CNTN5: variants seen among roughly 807,000 people sequenced by gnomAD.
The protein encoded by CNTN5 is contactin-5.
A neutral mutation model predicts 129.1 loss-of-function variants in CNTN5; 77 were observed. The ratio of observed to expected loss-of-function variants is 0.60; its 90% CI spans 0.50 to 0.72. The LOEUF (loss-of-function observed/expected upper bound fraction) is 0.72. Among genes scored for constraint, CNTN5 ranks in the 30% least tolerant of loss-of-function variants. The pLI, the probability that CNTN5 is intolerant of heterozygous loss-of-function variation, is 0.00. For synonymous variants in CNTN5, 509 were observed against 465.6 expected (o/e 1.09, Z -1.20); for missense variants, 1,478 against 1,328.8 (o/e 1.11, Z -1.75).
intron 9 of CNTN5, among the ~76,000 whole-genome samples, chr11:100,034,091 C>T (rs1377815120): frequency 1.3e-5 from 2 of 152,206 alleles, no homozygotes; most frequent in African/African-American, 2.4e-5. Flanking sequence ...CTCCTCTCTA[C>T]TGGCTCTTTC....
At position 99,978,267 on chromosome 11, in the gene CNTN5, A is replaced by G. The variant is rs914909572; in HGVS notation, c.877+21258A>G. Among the ~76,000 whole-genome samples, 36 of 152,388 alleles carry G rather than the reference A, an allele frequency of 2.4e-4. 1 individual carries two copies. Among genetic ancestry groups the G allele is most frequent in the South Asian group, 1.7e-3 (8 of 4,832 alleles). On this transcript the variant is annotated intron_variant, in intron 8 of 24. Coordinates refer to ENST00000524871, the MANE Select transcript of CNTN5 (RefSeq NM_014361.4). ...AAGCTGTGTCATAATGAAAGAGTCA[A>G]AAAGTTAAAAATAAGTTTATAAAGT...
At chr11:99,465,980 C>T (rs185601256) in intron 2 of CNTN5, among the ~76,000 whole-genome samples, 1,833 of 146,972 alleles carry the variant, frequency 0.012, 38 homozygotes, top group African/African-American at 0.043. Context: ...CTCCTGGGTT[C>T]ACGCCATTCT....
At chr11:99,914,057 G>A (rs997468471) in intron 6 of CNTN5, among the ~76,000 whole-genome samples, 15 of 152,040 alleles carry the variant, frequency 9.9e-5, no homozygotes, top group African/African-American at 2.9e-4. Context: ...GCAACATAGC[G>A]AGACTCTGTC....
chr11:99,682,706 GA>G (rs1341284985), intron 3 of CNTN5, among the ~76,000 whole-genome samples: 2 of 151,848 alleles, frequency 1.3e-5, no homozygotes, highest in East Asian at 3.9e-4. Context: ...TTGTATGCCA[GA>G]CCCATCTAAA....
chr11:99,961,829 A>G (rs958617274), intron 8 of CNTN5, among the ~76,000 whole-genome samples: 7 of 152,140 alleles, frequency 4.6e-5, no homozygotes, highest in Non-Finnish European at 5.9e-5. Flanking sequence ...CCCTGTCCTC[A>G]CACCAAAGCA....
intron 13 of CNTN5, among the ~76,000 whole-genome samples, chr11:100,148,676 G>GGACCAATGGAAAGTAT (rs1439990214): frequency 6.6e-6 from 1 of 150,990 alleles, no homozygotes; most frequent in African/African-American, 2.4e-5. Flanking sequence ...ACAAATAACA[G>GGACCAATGGAAAGTAT]GACCAATGGA....
At chr11:100,058,757 A>G (rs1565837283) in intron 9 of CNTN5, among the ~76,000 whole-genome samples, 1 of 152,026 alleles carries the variant, frequency 6.6e-6, no homozygotes. Flanking sequence ...TTAGGAAAAA[A>G]TAATAGGAAA....
intron 3 of CNTN5, among the ~76,000 whole-genome samples, chr11:99,570,188 G>C (rs1835448502): frequency 6.6e-6 from 1 of 151,068 alleles, no homozygotes; most frequent in Admixed American, 6.6e-5. Context: ...CTCTTTACTT[G>C]TTTCTCTATG....
intron 24 of CNTN5, among the ~76,000 whole-genome samples, chr11:100,355,834 C>A (rs1337697098): frequency 6.6e-6 from 1 of 151,572 alleles, no homozygotes; most frequent in East Asian, 1.9e-4. Context: ...TTTTTTATAT[C>A]TGAATTTGGA....
At chr11:100,084,367 A>C (rs1393882123) in intron 13 of CNTN5, among the ~76,000 whole-genome samples, 2 of 152,130 alleles carry the variant, frequency 1.3e-5, no homozygotes, top group Non-Finnish European at 2.9e-5. Context: ...TGAATATAAA[A>C]TGGTGAGGAG....
intron 8 of CNTN5, among the ~76,000 whole-genome samples, chr11:99,985,565 A>G (rs1050544639): frequency 6.6e-6 from 1 of 152,174 alleles, no homozygotes; most frequent in Admixed American, 6.5e-5. Context: ...CAATTGGGAA[A>G]GAGAGGGCAG....
chr11:99,801,254 A>T (rs953289098), intron 3 of CNTN5, among the ~76,000 whole-genome samples: 1 of 152,208 alleles, frequency 6.6e-6, no homozygotes. Flanking sequence ...TGCTGAAAAT[A>T]GGCCTCCAGT....
intron 1 of CNTN5, among the ~76,000 whole-genome samples, chr11:99,189,609 AT>A (rs1565389338): frequency 6.6e-6 from 1 of 151,542 alleles, no homozygotes; most frequent in Non-Finnish European, 1.5e-5. Context: ...GGTGGTGTTG[AT>A]TTACATTTCA....
intron 8 of CNTN5, among the ~76,000 whole-genome samples, chr11:99,996,683 A>C (rs1057421170): frequency 6.6e-6 from 1 of 152,166 alleles, no homozygotes; most frequent in Non-Finnish European, 1.5e-5. Context: ...GGTAACTTAT[A>C]AAGAAAACAG....
chr11:100,098,245 A>G (rs1262080275), intron 13 of CNTN5, among the ~76,000 whole-genome samples: 2 of 152,122 alleles, frequency 1.3e-5, no homozygotes, highest in African/African-American at 4.8e-5. Context: ...CAAATACATC[A>G]GACTGTAAAG....
intron 3 of CNTN5, among the ~76,000 whole-genome samples, chr11:99,669,679 C>T (rs1952955826): frequency 6.6e-6 from 1 of 152,012 alleles, no homozygotes. Context: ...CGAATCCTAC[C>T]ACACTTTTAT....
At chr11:100,172,830 T>TAAG (rs1479763604) in intron 13 of CNTN5, among the ~76,000 whole-genome samples, 1 of 152,070 alleles carries the variant, frequency 6.6e-6, no homozygotes, top group African/African-American at 2.4e-5. Flanking sequence ...TATGTCATGC[T>TAAG]AAGAAGTTTG....
intron 3 of CNTN5, among the ~76,000 whole-genome samples, chr11:99,657,782 T>C (rs2135904817): frequency 6.6e-6 from 1 of 152,214 alleles, no homozygotes; most frequent in East Asian, 1.9e-4. Context: ...TTTGACACAT[T>C]GAGCAGGAGA....
chr11:99,161,488 G>T (rs1860608307), intron 1 of CNTN5, among the ~76,000 whole-genome samples: 1 of 151,962 alleles, frequency 6.6e-6, no homozygotes, highest in Non-Finnish European at 1.5e-5. Context: ...CCCTTTAAAA[G>T]TCTCGGATGG....
Sources: allele counts gnomAD v4.1 joint callset (sites outside exome capture counted in the v4.1 genomes callset), GRCh38; gene constraint gnomAD v4.1.1; transcripts MANE v1.5; gene names NCBI Gene and HGNC (gene_info 2026-07-23, HGNC 2026-07-21).